Variants in AFF1 observed in about 807,000 individuals in gnomAD.
AFF1 encodes AF4/FMR2 family member 1.
In AFF1, 48 loss-of-function variants were observed where a neutral mutation model predicts 121.7. That is an observed-to-expected ratio of 0.39 (90% CI 0.31 to 0.50). The LOEUF is 0.50. AFF1 is among the 20% of genes least tolerant of loss of function. The pLI is 0.76. For synonymous variants in AFF1, 613 were observed against 563.0 expected, an observed-to-expected ratio of 1.09 and a Z score of -1.26; for missense variants, 1,523 against 1,511.7, an observed-to-expected ratio of 1.01 and a Z score of -0.12.
chr4:87,132,151 A>T, intron 18 of AFF1, 120 bp from the exon 19 acceptor site: 1 of 1,141,140 alleles, frequency 8.8e-7, no homozygotes, highest in African/African-American at 1.6e-5. Flanking sequence ...AAGATACTTT[A>T]CATACTAACT....
At chr4:86,984,171 T>A (rs1724016290) in intron 2 of AFF1, among the ~76,000 whole-genome samples, 1 of 152,220 alleles carries the variant, frequency 6.6e-6, no homozygotes, top group Non-Finnish European at 1.5e-5. Context: ...TGACAGAAAT[T>A]TGTAAATGCT....
At chr4:87,131,260 C>G (rs755556699) in intron 17 of AFF1, 41 bp downstream of exon 17, 1 of 1,606,578 alleles carries the variant, frequency 6.2e-7, no homozygotes, top group Non-Finnish European at 8.5e-7. Flanking sequence ...AAGTCCTTTT[C>G]TTTCCTCACC....
At position 86,936,661 on chromosome 4, in the gene AFF1, C is replaced by T. The variant is rs16996065; in HGVS notation, c.-37+1421C>T. On this transcript the variant is annotated intron_variant, in intron 1 of 20. Coordinates refer to ENST00000395146, the MANE Select transcript of AFF1 (RefSeq NM_001166693.3). ...CTCTGTCTAATGTATTTCCTTAGCT[C>T]GCCTTTCATCTTTAGTGGGAAGGAT... Among the ~76,000 whole-genome samples the T allele has an allele frequency of 8.7e-3, 1,329 of 152,212 alleles. 25 individuals carry two copies. The highest frequency in any genetic ancestry group is 0.031 in the African/African-American group (1,278 of 41,522).
At chr4:87,110,215 TG>T (rs942544956) in intron 11 of AFF1, among the ~76,000 whole-genome samples, 2 of 152,116 alleles carry the variant, frequency 1.3e-5, no homozygotes, top group African/African-American at 4.8e-5. Context: ...TTAATTTTTG[TG>T]GGTATGTAAT....
At chr4:86,985,136 AATT>A (rs1297010364) in intron 2 of AFF1, among the ~76,000 whole-genome samples, 1 of 107,634 alleles carries the variant, frequency 9.3e-6, no homozygotes, top group Non-Finnish European at 2.0e-5. Context: ...TAATATATAT[AATT>A]ATGCATAATA....
rs532054887 is a variant in AFF1 at position 87,000,434 on chromosome 4, C to T, written c.39-45732C>T. Among the ~76,000 whole-genome samples, 545 of 152,240 alleles carry T rather than the reference C, an allele frequency of 3.6e-3. 7 individuals carry two copies. The highest frequency in any genetic ancestry group is 0.013 in the African/African-American group (524 of 41,540). On this transcript the variant is annotated intron_variant, in intron 2 of 20. Coordinates refer to ENST00000395146, the MANE Select transcript of AFF1 (RefSeq NM_001166693.3). The stretch of plus-strand genomic sequence containing the variant: ...AAAAGTGGTAAAATCAAAACAAAGT[C>T]TAAAGTTTATTTCATAGTAATAGAC...
At chr4:86,995,269 TCCCCC>T (rs1725031303) in intron 2 of AFF1, among the ~76,000 whole-genome samples, 1 of 68,698 alleles carries the variant, frequency 1.5e-5, no homozygotes, top group Non-Finnish European at 3.1e-5. Context: ...TCTACCCCCT[TCCCCC>T]TCCCCCTCTC....
intron 7 of AFF1, 89 bp from the exon 8 acceptor site, chr4:87,094,826 A>C (rs952685836): frequency 2.9e-5 from 37 of 1,279,976 alleles, no homozygotes; most frequent in Non-Finnish European, 4.5e-6. Context: ...TGTTTAGGTA[A>C]AAACTGGGGA....
At chr4:87,125,959 C>A in intron 13 of AFF1, 140 bp from the exon 14 acceptor site, 1 of 818,220 alleles carries the variant, frequency 1.2e-6, no homozygotes, top group Non-Finnish European at 2.0e-6. Context: ...CAAAAAGTCC[C>A]TGAAATTTGG....
intron 4 of AFF1, among the ~76,000 whole-genome samples, chr4:87,065,510 T>TAAA (rs35526401): frequency 2.1e-5 from 3 of 145,608 alleles, no homozygotes; most frequent in African/African-American, 7.6e-5. Flanking sequence ...GAGGTGAGGT[T>TAAA]AAAAAAAAAA....
At chr4:87,009,608 T>C (rs340636) in intron 2 of AFF1, among the ~76,000 whole-genome samples, 2 of 152,044 alleles carry the variant, frequency 1.3e-5, no homozygotes, top group Admixed American at 6.5e-5. Flanking sequence ...TATCTCACAT[T>C]TTGTAAATGT....
intron 10 of AFF1, among the ~76,000 whole-genome samples, chr4:87,107,120 A>C (rs960073144): frequency 2.0e-5 from 3 of 152,232 alleles, no homozygotes. Context: ...AACTGGGTGC[A>C]GCATTTCTGT....
At chr4:86,948,835 C>G (rs897618266) in intron 2 of AFF1, among the ~76,000 whole-genome samples, 5 of 152,084 alleles carry the variant, frequency 3.3e-5, no homozygotes, top group African/African-American at 4.8e-5. Flanking sequence ...AATCAGCATT[C>G]TAATGCTGTG....
rs1398966156 is a variant in AFF1 at position 87,135,712 on chromosome 4, G to C, written c.*11G>C. The C allele has an allele frequency of 1.2e-6, 2 of 1,607,764 alleles. No individual in the cohort carries two copies. The highest frequency in any genetic ancestry group is 1.7e-4 in the Middle Eastern group (1 of 6,036). ...ACCAAAACACCTTAATGGAGCCCCA[G>C]GTTGATTCAATGCCTTGGGAACTAT... On this transcript the variant is annotated 3_prime_UTR_variant, in exon 21 of 21. Coordinates refer to ENST00000395146, the MANE Select transcript of AFF1 (RefSeq NM_001166693.3).
chr4:86,968,929 A>G (rs1722724872), intron 2 of AFF1, among the ~76,000 whole-genome samples: 1 of 152,214 alleles, frequency 6.6e-6, no homozygotes, highest in South Asian at 2.1e-4. Flanking sequence ...GAGATGGCAC[A>G]GTGGGCCCCA....
chr4:87,059,030 AAT>A (rs1720452373), intron 4 of AFF1, among the ~76,000 whole-genome samples: 1 of 152,022 alleles, frequency 6.6e-6, no homozygotes, highest in African/African-American at 2.4e-5. Flanking sequence ...TACGTGCCTT[AAT>A]CTCCTTTGGA....
At chr4:87,062,862 A>G (rs995987183) in intron 4 of AFF1, among the ~76,000 whole-genome samples, 2 of 152,164 alleles carry the variant, frequency 1.3e-5, no homozygotes, top group African/African-American at 4.8e-5. Flanking sequence ...GAAGGAAGGA[A>G]GATATATTTT....
At chr4:86,969,877 C>T (rs1371853424) in intron 2 of AFF1, among the ~76,000 whole-genome samples, 1 of 5,068 alleles carries the variant, frequency 2.0e-4, no homozygotes, top group Admixed American at 3.9e-3. Flanking sequence ...GAGACTCCGT[C>T]TCAAAAAAAA....
At chr4:86,937,089 A>G (rs144135781) in intron 1 of AFF1, among the ~76,000 whole-genome samples, 43 of 152,288 alleles carry the variant, frequency 2.8e-4, no homozygotes, top group African/African-American at 9.9e-4. Flanking sequence ...TTGAGGCTGG[A>G]GATGTGAGAC....
Sources: gnomAD v4.1 joint callset for allele counts (sites outside exome capture counted in the v4.1 genomes callset) on GRCh38, gnomAD v4.1.1 for gene constraint, MANE v1.5 for transcripts, NCBI Gene and HGNC (gene_info 2026-07-23, HGNC 2026-07-21) for gene names.